The following BCL2L13 variants were observed in gnomAD, a reference collection of about 807,000 sequenced individuals.
BCL2L13 encodes the protein bcl-2-like protein 13.
A neutral mutation model predicts 25.8 loss-of-function variants in BCL2L13; 13 were observed. The ratio of observed to expected loss-of-function variants is 0.50; its 90% CI spans 0.33 to 0.80. BCL2L13 has a LOEUF of 0.80. Ranked by LOEUF, BCL2L13 falls within the 30% of genes least tolerant of loss-of-function variation. The pLI is 0.02. For missense variants in BCL2L13, 504 were observed against 574.9 expected, an observed-to-expected ratio of 0.88 and a Z score of 1.26; for synonymous variants, 244 against 230.3, an observed-to-expected ratio of 1.06 and a Z score of -0.54.
chr22:17,712,497 TCTTC>T (rs2060790504), intron 6 of BCL2L13, among the ~76,000 whole-genome samples: 1 of 152,232 alleles, frequency 6.6e-6, no homozygotes, highest in African/African-American at 2.4e-5. Flanking sequence ...ACCATTTTCT[TCTTC>T]CTTGTAAAAT....
intron 4 of BCL2L13, among the ~76,000 whole-genome samples, chr22:17,695,276 A>G (rs1396623165): frequency 6.6e-6 from 1 of 152,206 alleles, no homozygotes; most frequent in African/African-American, 2.4e-5. Context: ...ACTCAGGAAG[A>G]AGGAAAGACC....
In BCL2L13 at chr22:17,659,635, TGGGCGACAGA is replaced by T. The variant is rs570406945; in HGVS notation, c.121+3804_121+3813del. Among the ~76,000 whole-genome samples, 125 of 145,124 alleles carry T rather than the reference TGGGCGACAGA, an allele frequency of 8.6e-4. 5 individuals carry two copies. The highest frequency in any genetic ancestry group is 3.0e-3 in the African/African-American group (122 of 40,966). On this transcript the variant is annotated intron_variant, in intron 2 of 6. Transcript: ENST00000317582. ...GAGATCATGCCACTGCACTCCAGCC[TGGGCGACAGA>T]ACGAGACTCCGTCAAAAAACAAAAC...
chr22:17,644,015 A>T (rs1039309768), intron 1 of BCL2L13, among the ~76,000 whole-genome samples: 4 of 150,994 alleles, frequency 2.6e-5, no homozygotes, highest in Non-Finnish European at 4.4e-5. Flanking sequence ...CTCAAGCCTG[A>T]TTCTCCTGGC....
intron 3 of BCL2L13, among the ~76,000 whole-genome samples, chr22:17,686,992 A>T (rs1433688798): frequency 6.6e-6 from 1 of 152,154 alleles, no homozygotes; most frequent in Non-Finnish European, 1.5e-5. Context: ...ATTAAAATGG[A>T]TGCTCTCCAG....
At chr22:17,651,027 T>C (rs2058666035) in intron 1 of BCL2L13, among the ~76,000 whole-genome samples, 1 of 134,190 alleles carries the variant, frequency 7.5e-6, no homozygotes, top group African/African-American at 2.8e-5. Flanking sequence ...GGAGTCTTGC[T>C]CTGTAACTCA....
At chr22:17,662,305 C>T (rs190965829) in intron 2 of BCL2L13, among the ~76,000 whole-genome samples, 41 of 152,142 alleles carry the variant, frequency 2.7e-4, no homozygotes, top group African/African-American at 9.4e-4. Context: ...AGTGAAACCT[C>T]GTCTCTACTG....
At chr22:17,710,494 C>T (rs904582344) in intron 6 of BCL2L13, among the ~76,000 whole-genome samples, 2 of 151,272 alleles carry the variant, frequency 1.3e-5, no homozygotes, top group East Asian at 1.9e-4. Context: ...GCAGGGGAAT[C>T]GCTTGAACTT....
Position 17,656,154 on chromosome 22 carries a change from C to T in BCL2L13, c.121+322C>T, listed in dbSNP as rs146869200. On this transcript the variant is annotated intron_variant, in intron 2 of 6. Coordinates refer to ENST00000317582, the MANE Select transcript of BCL2L13 (RefSeq NM_015367.4). ...ACTCAGGAGGCTGAGGCAGGAGAAT[C>T]GCTTGAACCCGGGAGGCAGAGGTTG... is the stretch of plus-strand genomic sequence containing the variant. Among the ~76,000 whole-genome samples, 436 of 149,994 alleles carry T rather than the reference C, an allele frequency of 2.9e-3. 5 individuals carry two copies. Among genetic ancestry groups the T allele is most frequent in the African/African-American group, 0.01 (415 of 40,930 alleles).
chr22:17,666,138 T>C (rs945140711), intron 2 of BCL2L13, among the ~76,000 whole-genome samples: 28 of 152,280 alleles, frequency 1.8e-4, no homozygotes, highest in African/African-American at 6.7e-4. Flanking sequence ...CTAGGGGATG[T>C]GCTGTAATCT....
chr22:17,632,512 T>C (rs1441745833), intron 1 of BCL2L13, among the ~76,000 whole-genome samples: 2 of 152,082 alleles, frequency 1.3e-5, no homozygotes, highest in African/African-American at 4.8e-5. Flanking sequence ...GCTAGAGGAC[T>C]ATTCTACCCT....
intron 2 of BCL2L13, among the ~76,000 whole-genome samples, chr22:17,662,313 C>T (rs948033615): frequency 5.3e-5 from 8 of 151,930 alleles, no homozygotes; most frequent in African/African-American, 1.7e-4. Flanking sequence ...CTCGTCTCTA[C>T]TGAAAAAAAC....
intron 5 of BCL2L13, among the ~76,000 whole-genome samples, chr22:17,698,555 TTAAA>T (rs1225097742): frequency 1.0e-5 from 1 of 97,778 alleles, no homozygotes; most frequent in Non-Finnish European, 1.9e-5. Flanking sequence ...ACCCTGTCTC[TTAAA>T]AAAAAAAAAA....
chr22:17,648,519 G>T (rs1022705082), intron 1 of BCL2L13, among the ~76,000 whole-genome samples: 1 of 151,036 alleles, frequency 6.6e-6, no homozygotes, highest in Non-Finnish European at 1.5e-5. Flanking sequence ...GCAACATAGT[G>T]AGACTCCATC....
intron 3 of BCL2L13, among the ~76,000 whole-genome samples, chr22:17,686,521 T>TTC (rs2059944649): frequency 1.3e-5 from 2 of 150,478 alleles, no homozygotes; most frequent in Non-Finnish European, 3.0e-5. Flanking sequence ...TTTTTTCTTT[T>TTC]TTTTTTTGAG....
intron 2 of BCL2L13, among the ~76,000 whole-genome samples, chr22:17,669,191 C>T (rs2059339232): frequency 6.8e-6 from 1 of 146,290 alleles, no homozygotes; most frequent in African/African-American, 2.8e-5. Context: ...TGCCACCACA[C>T]CCGGCTAGTT....
chr22:17,630,217 C>CAAAA (rs1491147593), intron 1 of BCL2L13, among the ~76,000 whole-genome samples: 3 of 71,666 alleles, frequency 4.2e-5, no homozygotes, highest in African/African-American at 7.2e-5. Flanking sequence ...GACTCCGTCT[C>CAAAA]AAAAAAACAA....
intron 2 of BCL2L13, among the ~76,000 whole-genome samples, chr22:17,667,963 CTTTTTTTTTT>C (rs71201863): frequency 1.4e-5 from 1 of 71,698 alleles, no homozygotes; most frequent in African/African-American, 5.7e-5. Context: ...TCCAGTTTGT[CTTTTTTTTTT>C]TTTTTTTTTT....
intron 4 of BCL2L13, among the ~76,000 whole-genome samples, chr22:17,695,524 G>A (rs1365019314): frequency 2.6e-5 from 4 of 152,104 alleles, no homozygotes; most frequent in African/African-American, 4.8e-5. Context: ...GTTTCACCAT[G>A]TTGGCCAGGA....
chr22:17,646,226 C>T (rs1302753602), intron 1 of BCL2L13, among the ~76,000 whole-genome samples: 2 of 151,462 alleles, frequency 1.3e-5, no homozygotes, highest in Admixed American at 1.3e-4. Context: ...TAGTTTGAAT[C>T]GTACAAATTA....
Sources: gnomAD v4.1 joint callset for allele counts (sites outside exome capture counted in the v4.1 genomes callset) on GRCh38, gnomAD v4.1.1 for gene constraint, MANE v1.5 for transcripts, NCBI Gene and HGNC (gene_info 2026-07-23, HGNC 2026-07-21) for gene names.